The following ADRA1B variants were observed in gnomAD, a reference collection of about 807,000 sequenced individuals.
ADRA1B encodes alpha-1B adrenergic receptor.
In ADRA1B, 17 loss-of-function variants were observed where a neutral mutation model predicts 17.9. That is an observed-to-expected ratio of 0.95 (90% CI 0.65 to 1.42). The LOEUF (loss-of-function observed/expected upper bound fraction) is 1.42, where lower values mean the gene tolerates loss of function less well. Ranked by LOEUF, ADRA1B falls within the 40% of genes most tolerant of loss-of-function variation. ADRA1B has a pLI of 0.00. For missense variants in ADRA1B, 681 were observed against 722.1 expected, an observed-to-expected ratio of 0.94 and a Z score of 0.65; for synonymous variants, 366 against 327.6, an observed-to-expected ratio of 1.12 and a Z score of -1.27.
At chr5:159,898,718 T>C (rs1754062897) in intron 1 of ADRA1B, among the ~76,000 whole-genome samples, 1 of 152,206 alleles carries the variant, frequency 6.6e-6, no homozygotes. Flanking sequence ...TTTCATCACA[T>C]CTATGTTGAT....
At chr5:159,979,398 C>T in the ADRA1B span, among the ~76,000 whole-genome samples, 1 of 152,172 alleles carries the variant, frequency 6.6e-6, no homozygotes, top group Non-Finnish European at 1.5e-5. Flanking sequence ...ATCAGTTACA[C>T]TTGGGATGTA....
At chr5:159,879,383 G>A (rs570543300) in intron 1 of ADRA1B, among the ~76,000 whole-genome samples, 18 of 152,208 alleles carry the variant, frequency 1.2e-4, no homozygotes, top group African/African-American at 4.3e-4. Flanking sequence ...TAAGCACGAC[G>A]GTGGGAATGA....
chr5:159,891,908 C>T (rs1753987290), intron 1 of ADRA1B, among the ~76,000 whole-genome samples: 2 of 152,152 alleles, frequency 1.3e-5, no homozygotes, highest in Admixed American at 6.5e-5. Context: ...GTTATCAATG[C>T]TGAAATTTGA....
chr5:159,870,742 A>G (rs1369635494), intron 1 of ADRA1B: 2 of 152,230 alleles, frequency 1.3e-5, no homozygotes, highest in Non-Finnish European at 2.9e-5. Context: ...CTTATTCAGC[A>G]TTTGTGTTCT....
intron 1 of ADRA1B, chr5:159,951,333 A>G (rs1159321226): frequency 7.7e-7 from 1 of 1,306,124 alleles, no homozygotes; most frequent in Non-Finnish European, 1.1e-6. Context: ...AGTGCCATGG[A>G]ATTTGCCATG....
chr5:159,899,641 T>C (rs1754080415), intron 1 of ADRA1B, among the ~76,000 whole-genome samples: 1 of 152,152 alleles, frequency 6.6e-6, no homozygotes. Flanking sequence ...CCCCCTGAAA[T>C]GGTACAGTCA....
intron 1 of ADRA1B, among the ~76,000 whole-genome samples, chr5:159,931,693 C>T (rs1007942263): frequency 5.9e-5 from 9 of 152,208 alleles, no homozygotes; most frequent in Admixed American, 5.9e-4. Flanking sequence ...GCTCACAGTT[C>T]TGGAGGCTCG....
At chr5:159,962,129 T>C (rs112431283) in intron 1 of ADRA1B, among the ~76,000 whole-genome samples, 4 of 151,708 alleles carry the variant, frequency 2.6e-5, no homozygotes, top group African/African-American at 7.3e-5. Context: ...ACCTGGGAGG[T>C]AGAAGTTGCA....
the ADRA1B span, among the ~76,000 whole-genome samples, chr5:159,980,228 G>T: frequency 6.6e-6 from 1 of 152,046 alleles, no homozygotes; most frequent in South Asian, 2.1e-4. Flanking sequence ...TCACAGAACT[G>T]ACCCAAGAGT....
At chr5:159,939,320 T>TGC (rs1170671488) in intron 1 of ADRA1B, among the ~76,000 whole-genome samples, 25 of 108,182 alleles carry the variant, frequency 2.3e-4, no homozygotes, top group East Asian at 2.0e-3. Context: ...TGTGTGTGTG[T>TGC]GTGCGCGCGC....
chr5:159,918,981 C>G (rs962116003), intron 1 of ADRA1B, among the ~76,000 whole-genome samples: 1 of 152,120 alleles, frequency 6.6e-6, no homozygotes. Context: ...TGCAATCACA[C>G]CGGAGTCTCA....
At chr5:159,907,007 A>G (rs1339191063) in intron 1 of ADRA1B, among the ~76,000 whole-genome samples, 1 of 152,086 alleles carries the variant, frequency 6.6e-6, no homozygotes, top group Non-Finnish European at 1.5e-5. Flanking sequence ...CTGCCCTTCT[A>G]GGGTATGAAT....
chr5:159,905,452 C>T (rs1434874951), intron 1 of ADRA1B, among the ~76,000 whole-genome samples: 1 of 152,230 alleles, frequency 6.6e-6, no homozygotes, highest in Non-Finnish European at 1.5e-5. Context: ...TTCACAAATA[C>T]TGCTTTATTT....
At chr5:159,941,847 A>C (rs923131919) in intron 1 of ADRA1B, among the ~76,000 whole-genome samples, 3 of 152,056 alleles carry the variant, frequency 2.0e-5, no homozygotes, top group East Asian at 3.9e-4. Context: ...GCACAGAGAG[A>C]GAAAGTAGAT....
At chr5:159,982,370 G>A in the ADRA1B span, among the ~76,000 whole-genome samples, 1 of 152,134 alleles carries the variant, frequency 6.6e-6, no homozygotes, top group Non-Finnish European at 1.5e-5. Context: ...AGGAAGAGAT[G>A]TGCTTTCTTG....
chr5:159,916,733 A>G lies in ADRA1B; in HGVS notation c.-173A>G, dbSNP rs2113144031. On this transcript the variant is annotated 5_prime_UTR_variant, in exon 1 of 2. Transcript: ENST00000306675. Reference sequence around the variant, plus strand: ...GACAGGCGAGCGAGCGACTCGGTGCAGGCAGGAGACGTGCTGCCGGGCTGG... The same window carrying G: ...GACAGGCGAGCGAGCGACTCGGTGCGGGCAGGAGACGTGCTGCCGGGCTGG... 3 of 626,236 alleles carry G rather than the reference A, an allele frequency of 4.8e-6. No individual in the cohort carries two copies. Among genetic ancestry groups the G allele is most frequent in the African/African-American group, 1.8e-5 (1 of 54,238 alleles). 38.8% of individuals were successfully genotyped at this position (626,236 alleles called of 1,614,324 possible).
chr5:159,984,529 A>C, the ADRA1B span, among the ~76,000 whole-genome samples: 4 of 151,984 alleles, frequency 2.6e-5, no homozygotes. Context: ...GTTGCCTCCT[A>C]ACTAACCTCT....
At chr5:159,985,546 C>A in the ADRA1B span, among the ~76,000 whole-genome samples, 7 of 152,236 alleles carry the variant, frequency 4.6e-5, no homozygotes, top group Non-Finnish European at 1.5e-5. Context: ...TTATAAGCAT[C>A]TCTGTTCAAC....
At chr5:159,877,307 A>G (rs1753813999) in intron 1 of ADRA1B, among the ~76,000 whole-genome samples, 1 of 152,158 alleles carries the variant, frequency 6.6e-6, no homozygotes. Context: ...CCCGGGGACA[A>G]TAGGAGAACT....
Sources: gnomAD v4.1 joint callset for allele counts (sites outside exome capture counted in the v4.1 genomes callset) on GRCh38, gnomAD v4.1.1 for gene constraint, MANE v1.5 for transcripts, NCBI Gene and HGNC (gene_info 2026-07-23, HGNC 2026-07-21) for gene names.